Variants in EVI5 observed in about 807,000 individuals in gnomAD.
EVI5 encodes ecotropic viral integration site 5 protein homolog.
A neutral mutation model predicts 112.0 loss-of-function variants in EVI5; 73 were observed. The ratio of observed to expected loss-of-function variants is 0.65; its 90% CI spans 0.54 to 0.79. The LOEUF (loss-of-function observed/expected upper bound fraction) is 0.79, where lower values mean the gene tolerates loss of function less well. Ranked by LOEUF, EVI5 falls within the 30% of genes least tolerant of loss-of-function variation. The pLI is 0.00. For missense variants in EVI5, 900 were observed against 968.8 expected (o/e 0.93, Z 0.94); for synonymous variants, 305 against 319.9 (o/e 0.95, Z 0.50).
intron 18 of EVI5, among the ~76,000 whole-genome samples, chr1:92,584,289 T>C (rs1160508071): frequency 3.3e-5 from 5 of 152,188 alleles, no homozygotes; most frequent in African/African-American, 7.2e-5. Flanking sequence ...GGCTTTATTA[T>C]GAAACTATGT....
At chr1:92,637,658 T>C (rs192795851) in intron 13 of EVI5, among the ~76,000 whole-genome samples, 8 of 152,272 alleles carry the variant, frequency 5.3e-5, no homozygotes, top group African/African-American at 1.9e-4. Flanking sequence ...GTAAAGAAAA[T>C]GTGGCAACTC....
intron 1 of EVI5, among the ~76,000 whole-genome samples, chr1:92,737,269 G>C (rs1451367309): frequency 6.6e-6 from 1 of 152,176 alleles, no homozygotes; most frequent in African/African-American, 2.4e-5. Flanking sequence ...GTTCAAGGTA[G>C]AATTTCTAAT....
chr1:92,596,296 G>A (rs1327477783), intron 18 of EVI5, among the ~76,000 whole-genome samples: 1 of 152,150 alleles, frequency 6.6e-6, no homozygotes, highest in Non-Finnish European at 1.5e-5. Context: ...GGAGGTCGAG[G>A]TTACAATGAG....
chr1:92,769,395 C>A (rs921346123), intron 1 of EVI5, among the ~76,000 whole-genome samples: 1 of 152,054 alleles, frequency 6.6e-6, no homozygotes, highest in Non-Finnish European at 1.5e-5. Flanking sequence ...ATTTCCTTGA[C>A]AATTTATTTT....
At chr1:92,617,364 ATTTGGAGAAGAG>A (rs142230076) in intron 16 of EVI5, among the ~76,000 whole-genome samples, 1,840 of 152,316 alleles carry the variant, frequency 0.012, 15 homozygotes, top group Non-Finnish European at 0.018. Context: ...TGACAAAGAA[ATTTGGAGAAGAG>A]GTATGTGGAT....
intron 19 of EVI5, among the ~76,000 whole-genome samples, chr1:92,525,487 T>A (rs1481395446): frequency 6.6e-6 from 1 of 152,068 alleles, no homozygotes. Flanking sequence ...TAGGCTGGCC[T>A]TGAACTTCTG....
intron 14 of EVI5, among the ~76,000 whole-genome samples, chr1:92,633,431 CTTCT>C (rs1572006019): frequency 6.6e-6 from 1 of 152,144 alleles, no homozygotes; most frequent in African/African-American, 2.4e-5. Flanking sequence ...ATGTAATGGC[CTTCT>C]TTGTCTCTTT....
intron 2 of EVI5, among the ~76,000 whole-genome samples, chr1:92,720,297 A>G (rs1420544610): frequency 6.6e-6 from 1 of 152,088 alleles, no homozygotes; most frequent in Non-Finnish European, 1.5e-5. Context: ...TACAGTAACC[A>G]AAACAGCATG....
At chr1:92,589,866 C>A (rs6678864) in intron 18 of EVI5, among the ~76,000 whole-genome samples, 140,244 of 152,204 alleles carry the variant, frequency 0.92, 64,692 homozygotes, top group East Asian at 0.97. Context: ...GGCACCCCCC[C>A]GTATGGGCAG....
upstream of EVI5, among the ~76,000 whole-genome samples, chr1:92,789,310 GCTT>G (rs138832439): frequency 0.21 from 31,801 of 151,272 alleles, 3,776 homozygotes; most frequent in Non-Finnish European, 0.27. Flanking sequence ...TCCTGCCTCA[GCTT>G]CTTCTTCTTT....
chr1:92,517,543 G>A (rs1286654934), intron 19 of EVI5, among the ~76,000 whole-genome samples: 1 of 152,216 alleles, frequency 6.6e-6, no homozygotes, highest in Non-Finnish European at 1.5e-5. Context: ...TAGGACAAAA[G>A]TGCTTCTGAA....
At chr1:92,601,478 GAATA>G (rs768764884) in intron 18 of EVI5, among the ~76,000 whole-genome samples, 1 of 152,102 alleles carries the variant, frequency 6.6e-6, no homozygotes, top group Non-Finnish European at 1.5e-5. Flanking sequence ...GTAGATGAAT[GAATA>G]AAGAAAAAGT....
chr1:92,699,939 A>T (rs1292129889), intron 5 of EVI5, among the ~76,000 whole-genome samples: 1 of 152,194 alleles, frequency 6.6e-6, no homozygotes, highest in Non-Finnish European at 1.5e-5. Context: ...TCTTTGCAAT[A>T]GCATTGATAT....
chr1:92,561,601 AATCTATCCTATCT>A (rs1668584916), intron 19 of EVI5, among the ~76,000 whole-genome samples: 2 of 128,340 alleles, frequency 1.6e-5, no homozygotes, highest in Non-Finnish European at 3.4e-5. Context: ...CTATCTATCT[AATCTATCCTATCT>A]ATCTATCTAT....
Position 92,697,985 on chromosome 1 carries a change from T to A in EVI5, c.640A>T (p.Met214Leu), listed in dbSNP as rs1670573083. ...AFIVGLLLMQ[M>L]PEEEAFCVFV... ...ACACAGAAAGCTTCTTCTTCTGGCA[T>A]CTACATTGGAAGAAAAAAAAACAAC... The change falls in exon 6 of 20, where the codon ATG (methionine) becomes TTG (leucine). Residue 214 changes from methionine to leucine, a missense_variant and splice_region_variant. Met to Leu is a conservative substitution (Grantham distance 15). Transcript: ENST00000684568. 6.2e-7 allele frequency: 1 copy of A among 1,608,658 alleles called. No individual in the cohort carries two copies. Among genetic ancestry groups the A allele is most frequent in the Non-Finnish European group, 8.5e-7 (1 of 1,178,004 alleles).
At chr1:92,585,811 CTTAGT>C (rs1213027003) in intron 18 of EVI5, among the ~76,000 whole-genome samples, 1 of 151,216 alleles carries the variant, frequency 6.6e-6, no homozygotes, top group Non-Finnish European at 1.5e-5. Context: ...TACTAAAGTC[CTTAGT>C]TTATTCAGAT....
At chr1:92,686,946 T>G (rs1245860665) in intron 9 of EVI5, among the ~76,000 whole-genome samples, 2 of 152,128 alleles carry the variant, frequency 1.3e-5, no homozygotes, top group Non-Finnish European at 2.9e-5. Flanking sequence ...ATCAATATCA[T>G]GAAAATGGCC....
intron 13 of EVI5, among the ~76,000 whole-genome samples, chr1:92,654,983 A>G (rs2102089207): frequency 6.6e-6 from 1 of 152,296 alleles, no homozygotes; most frequent in East Asian, 1.9e-4. Flanking sequence ...GGGGTTATAT[A>G]AAATGTCTAA....
At chr1:92,609,788 A>G (rs1651325679) in intron 16 of EVI5, among the ~76,000 whole-genome samples, 1 of 152,086 alleles carries the variant, frequency 6.6e-6, no homozygotes, top group Admixed American at 6.6e-5. Flanking sequence ...AAGCTCCAAA[A>G]CTTTCAACCA....
Sources: allele counts gnomAD v4.1 joint callset (sites outside exome capture counted in the v4.1 genomes callset), GRCh38; gene constraint gnomAD v4.1.1; transcripts MANE v1.5; gene names NCBI Gene and HGNC (gene_info 2026-07-23, HGNC 2026-07-21).